Variants in PDZD2 observed in about 807,000 individuals in gnomAD.
The protein encoded by PDZD2 is PDZ domain-containing protein 2.
PDZD2 carries 90 observed loss-of-function variants against 220.7 expected under a neutral mutation model. The observed-to-expected ratio is 0.41, with a 90% CI of 0.34 to 0.49. The LOEUF (loss-of-function observed/expected upper bound fraction) is 0.49. Ranked by LOEUF, PDZD2 falls within the 20% of genes least tolerant of loss-of-function variation. PDZD2 has a pLI of 0.28. For synonymous variants in PDZD2, 1,375 were observed against 1,450.5 expected, an observed-to-expected ratio of 0.95 and a Z score of 1.18; for missense variants, 3,174 against 3,608.5, an observed-to-expected ratio of 0.88 and a Z score of 3.08.
chr5:31,651,642 A>ATTT (rs777693595), intron 1 of PDZD2, among the ~76,000 whole-genome samples: 3 of 151,334 alleles, frequency 2.0e-5, no homozygotes, highest in African/African-American at 7.3e-5. Context: ...TTATTTATTT[A>ATTT]TTTTTTTGAG....
In PDZD2 at chr5:31,983,284, C is replaced by T; in HGVS notation, c.606C>T (p.Thr202=). The T allele has an allele frequency of 6.2e-7, 1 of 1,614,194 alleles. No individual in the cohort carries two copies. The highest frequency in any genetic ancestry group is 8.5e-7 in the Non-Finnish European group (1 of 1,180,042). ...SNSSEPGETP[T]LELGDRTAKK... is the part of the protein sequence containing the mutation. Reference sequence around the variant, plus strand: ...GCTCTGAACCAGGAGAAACACCTACCTTGGAGCTGGGTGACCGAACTGCGA... The same window carrying T: ...GCTCTGAACCAGGAGAAACACCTACTTTGGAGCTGGGTGACCGAACTGCGA... Residue 202 remains threonine, a synonymous_variant, in exon 3 of 25, where the codon ACC becomes ACT. Transcript: ENST00000438447.
At chr5:31,954,005 G>T (rs1028253767) in intron 2 of PDZD2, among the ~76,000 whole-genome samples, 37 of 152,062 alleles carry the variant, frequency 2.4e-4, no homozygotes, top group African/African-American at 8.7e-4. Flanking sequence ...AGTCCTAGCT[G>T]CTCTGGAGGC....
intron 6 of PDZD2, among the ~76,000 whole-genome samples, chr5:32,029,680 C>A (rs1754973354): frequency 6.6e-6 from 1 of 152,168 alleles, no homozygotes; most frequent in Non-Finnish European, 1.5e-5. Context: ...GAGGAAGGAA[C>A]CTGTCCCTTC....
chr5:31,778,404 G>T (rs758175226), intron 1 of PDZD2, among the ~76,000 whole-genome samples: 4 of 152,146 alleles, frequency 2.6e-5, no homozygotes, highest in Non-Finnish European at 5.9e-5. Flanking sequence ...GGTCTGCACT[G>T]CCTTTATGAG....
chr5:31,741,196 C>CGT (rs1750245654), intron 1 of PDZD2, among the ~76,000 whole-genome samples: 1 of 90,382 alleles, frequency 1.1e-5, no homozygotes, highest in African/African-American at 4.6e-5. Context: ...AGTGTGTACA[C>CGT]ACACACACAC....
At chr5:32,076,170 C>T (rs1741264126) in intron 18 of PDZD2, among the ~76,000 whole-genome samples, 1 of 151,734 alleles carries the variant, frequency 6.6e-6, no homozygotes, top group South Asian at 2.1e-4. Context: ...CCTGTAATCC[C>T]AGCTACTCGG....
At position 31,814,386 on chromosome 5, in the gene PDZD2, G is replaced by A. The variant is rs535573790; in HGVS notation, c.476+14662G>A. ...GTCCTGAAAACATGTACCCAAGGTA[G>A]GTAGGTTACAGCCTGATTTTACACC... On this transcript the variant is annotated intron_variant, in intron 2 of 24. Coordinates refer to ENST00000438447, the MANE Select transcript of PDZD2 (RefSeq NM_178140.4). Among the ~76,000 whole-genome samples the A allele has an allele frequency of 1.2e-3, 179 of 152,306 alleles. 1 individual carries two copies. Among genetic ancestry groups the A allele is most frequent in the African/African-American group, 4.2e-3 (173 of 41,574 alleles).
At chr5:32,052,052 G>A (rs917668632) in intron 8 of PDZD2, among the ~76,000 whole-genome samples, 1 of 152,194 alleles carries the variant, frequency 6.6e-6, no homozygotes, top group African/African-American at 2.4e-5. Context: ...TGTGGAATGA[G>A]GTCAAGGAAA....
rs1238014851 is a variant in PDZD2, at chr5:31,988,920, A to G, written c.978+5264A>G. 3.3e-5 allele frequency among the ~76,000 whole-genome samples: 5 copies of G among 152,252 alleles called. No individual in the cohort carries two copies. The East Asian group carries it at 9.7e-4, about 29-fold the overall frequency. On this transcript the variant is annotated intron_variant, in intron 3 of 24. Coordinates refer to ENST00000438447, the MANE Select transcript of PDZD2 (RefSeq NM_178140.4). ...TGACATTCCTGCCGCCTGCTCTGTCATTAGCCATCTCCTCTTCGGTCTCCT... is the reference window on the plus strand; with the variant it reads ...TGACATTCCTGCCGCCTGCTCTGTCGTTAGCCATCTCCTCTTCGGTCTCCT...
chr5:32,057,953 C>A lies in PDZD2; in HGVS notation c.2050C>A (p.Pro684Thr). 6.2e-7 allele frequency: 1 copy of A among 1,613,840 alleles called. No individual in the cohort carries two copies. The highest frequency in any genetic ancestry group is 8.5e-7 in the Non-Finnish European group (1 of 1,179,780). Residue 684 changes from proline to threonine, a missense_variant, in exon 12 of 25, where the codon CCC (proline) becomes ACC (threonine). By Grantham distance (38) the Pro-to-Thr change is conservative. Around this residue, in one of 4 missense-constraint regions of PDZD2, gnomAD observed 1,861 missense variants for 2,001.0 expected, o/e 0.93. Transcript: ENST00000438447. Reference protein sequence around the residue: ...VSPSLTPCSTPTHMSRSASPN... With the variant: ...VSPSLTPCSTTTHMSRSASPN... ...CCCCAGCCTCACACCCTGCTCGACA[C>A]CCACACACATGAGCAGATCCGCCTC...
intron 24 of PDZD2, 70 bp from the exon 25 acceptor site, chr5:32,107,899 T>C (rs990475507): frequency 4.0e-6 from 4 of 995,390 alleles, no homozygotes; most frequent in African/African-American, 1.6e-5. Flanking sequence ...TAAAAGTTTT[T>C]AGTTTACTTA....
intron 1 of PDZD2, among the ~76,000 whole-genome samples, chr5:31,642,860 A>G (rs1008544013): frequency 6.6e-6 from 1 of 152,146 alleles, no homozygotes; most frequent in Non-Finnish European, 1.5e-5. Context: ...CCTGGAGGAA[A>G]GGGCTGCGGT....
intron 13 of PDZD2, among the ~76,000 whole-genome samples, chr5:32,059,836 ATGG>A (rs1739507176): frequency 6.6e-6 from 1 of 152,184 alleles, no homozygotes; most frequent in African/African-American, 2.4e-5. Context: ...TCCTTGTTGA[ATGG>A]CCATGTCTAG....
rs368456964 is a variant in PDZD2, at chr5:31,722,369, G to A, written c.-360-76520G>A. On this transcript the variant is annotated intron_variant, in intron 1 of 24. Transcript: ENST00000438447. ...TCAGGAGCTCTCCCACTGCCTGGAC[G>A]GACAGCCTGCCCCCTCCCCTGGAAC... is the stretch of plus-strand genomic sequence containing the variant. 1.1e-3 allele frequency among the ~76,000 whole-genome samples: 168 copies of A among 152,152 alleles called. 2 individuals carry two copies. Among genetic ancestry groups the A allele is most frequent in the Non-Finnish European group, 1.3e-3 (87 of 67,998 alleles).
rs760047586 is a variant in PDZD2, at chr5:32,089,664, C to A, written c.6216C>A (p.Gly2072=). 6 of 1,613,892 alleles carry A rather than the reference C, an allele frequency of 3.7e-6. No homozygotes were observed. The highest frequency in any genetic ancestry group is 5.1e-6 in the Non-Finnish European group (6 of 1,179,994). Residue 2072 remains glycine, a synonymous_variant, in exon 20 of 25, where the codon GGC becomes GGA. Coordinates refer to ENST00000438447, the MANE Select transcript of PDZD2 (RefSeq NM_178140.4). ...ACACAGCCCAACCCAGGCCGACTGG[C>A]GAAAAAGGAGGCAACATAATGGCCA... ...AADTAQPRPT[G]EKGGNIMASD...
chr5:31,741,423 A>G (rs1324620538), intron 1 of PDZD2, among the ~76,000 whole-genome samples: 1 of 151,140 alleles, frequency 6.6e-6, no homozygotes, highest in African/African-American at 2.4e-5. Flanking sequence ...TTACTTGTGC[A>G]TCCATAGCTC....
intron 8 of PDZD2, among the ~76,000 whole-genome samples, chr5:32,048,976 G>A (rs1288442467): frequency 6.6e-6 from 1 of 152,146 alleles, no homozygotes; most frequent in Admixed American, 6.5e-5. Context: ...CATAGTCTGT[G>A]GTGAACCAGC....
chr5:31,879,303 C>T (rs1167353062), intron 2 of PDZD2, among the ~76,000 whole-genome samples: 1 of 150,820 alleles, frequency 6.6e-6, no homozygotes, highest in Non-Finnish European at 1.5e-5. Context: ...TGGAGAATGG[C>T]GTGAACCTGG....
intron 2 of PDZD2, among the ~76,000 whole-genome samples, chr5:31,852,222 TG>T (rs1758099092): frequency 1.3e-5 from 2 of 152,154 alleles, no homozygotes; most frequent in Admixed American, 1.3e-4. Flanking sequence ...AAGATGAGGA[TG>T]GGGGCAGAAT....
Sources: allele counts gnomAD v4.1 joint callset (sites outside exome capture counted in the v4.1 genomes callset), GRCh38; gene constraint gnomAD v4.1.1; regional missense constraint gnomAD v4.1.1; transcripts MANE v1.5; gene names NCBI Gene and HGNC (gene_info 2026-07-23, HGNC 2026-07-21).